Variants in PRKN observed in about 807,000 individuals in gnomAD.
The protein encoded by PRKN is parkin RBR E3 ubiquitin protein ligase.
A neutral mutation model predicts 59.5 loss-of-function variants in PRKN; 56 were observed. The observed-to-expected ratio is 0.94, with a 90% CI of 0.76 to 1.18. The LOEUF (loss-of-function observed/expected upper bound fraction) is 1.18. Ranked by LOEUF, PRKN falls within the 50% of genes most tolerant of loss-of-function variation. The probability of loss-of-function intolerance (pLI) is 0.00; values close to 1 mark genes in which losing one functional copy is unlikely to be tolerated. For synonymous variants in PRKN, 250 were observed against 222.1 expected (o/e 1.13, Z -1.12); for missense variants, 657 against 596.4 (o/e 1.10, Z -1.06).
chr6:161,374,477 G>A (rs1399937232), intron 10 of PRKN, among the ~76,000 whole-genome samples: 1 of 135,520 alleles, frequency 7.4e-6, no homozygotes, highest in Non-Finnish European at 1.6e-5. Flanking sequence ...GTGTGTGATG[G>A]GTGTGTGGTG....
chr6:162,228,964 G>A (rs1397680565), intron 3 of PRKN, among the ~76,000 whole-genome samples: 1 of 152,114 alleles, frequency 6.6e-6, no homozygotes, highest in Non-Finnish European at 1.5e-5. Flanking sequence ...TGGATCTTTT[G>A]TACACCTCTA....
chr6:162,372,193 G>A lies in PRKN; in HGVS notation c.171+71117C>T, dbSNP rs74325540. ...AGAAAACAAGGATTACAGATTCCATGTCGTTTTGCAGCCAGGGAACATCTT... is the reference window on the plus strand; with the variant it reads ...AGAAAACAAGGATTACAGATTCCATATCGTTTTGCAGCCAGGGAACATCTT... On this transcript the variant is annotated intron_variant, in intron 2 of 11. Coordinates refer to ENST00000366898, the MANE Select transcript of PRKN (RefSeq NM_004562.3). 8.2e-3 allele frequency among the ~76,000 whole-genome samples: 1,250 copies of A among 152,318 alleles called. 18 individuals are homozygous for A. The highest frequency in any genetic ancestry group is 0.028 in the African/African-American group (1,170 of 41,574).
chr6:162,594,601 A>G (rs988937946), intron 1 of PRKN, among the ~76,000 whole-genome samples: 3 of 152,200 alleles, frequency 2.0e-5, no homozygotes, highest in Non-Finnish European at 4.4e-5. Context: ...TAACTGAATT[A>G]CATAGGCTAG....
chr6:162,228,547 G>GA (rs1778285897), intron 3 of PRKN, among the ~76,000 whole-genome samples: 1 of 152,102 alleles, frequency 6.6e-6, no homozygotes, highest in Non-Finnish European at 1.5e-5. Context: ...AAATTTAGGG[G>GA]AAAAAGTTCT....
rs373081052 is a variant in PRKN, at chr6:162,287,449, C to T, written c.172-24684G>A. ...TGGGCATGGTGGCACATGCCTGTGG[C>T]CCCAGATACTCAGGAGGCTGAGGTG... On this transcript the variant is annotated intron_variant, in intron 2 of 11. Coordinates refer to ENST00000366898, the MANE Select transcript of PRKN (RefSeq NM_004562.3). Among the ~76,000 whole-genome samples the T allele has an allele frequency of 6.6e-4, 100 of 152,016 alleles. 2 individuals are homozygous for T. The South Asian group carries it at 0.019, about 29-fold the overall frequency.
chr6:161,816,881 G>T (rs60117510), intron 6 of PRKN, among the ~76,000 whole-genome samples: 3 of 152,010 alleles, frequency 2.0e-5, no homozygotes, highest in Non-Finnish European at 4.4e-5. Context: ...AAAGAGAACA[G>T]GGTTCAGTAT....
rs1033961671 is a variant in PRKN at position 161,402,172 on chromosome 6, C to T, written c.1084-15295G>A. ...GCCTGTTGGCCAAAGATAACTCATG[C>T]CTCGGGGGTCGTGAGCAGGAGGTGA... On this transcript the variant is annotated intron_variant, in intron 9 of 11. Coordinates refer to ENST00000366898, the MANE Select transcript of PRKN (RefSeq NM_004562.3). This position sits in a 1 kb window ranked among gnomAD's most constrained non-coding sequence, Gnocchi z 4.5. Among the ~76,000 whole-genome samples the T allele has an allele frequency of 2.0e-5, 3 of 152,202 alleles. No individual in the cohort carries two copies. The highest frequency in any genetic ancestry group is 3.9e-4 in the East Asian group (2 of 5,172).
intron 2 of PRKN, among the ~76,000 whole-genome samples, chr6:162,389,007 G>GAA (rs71278564): frequency 0.29 from 30,313 of 103,800 alleles, 4,520 homozygotes; most frequent in Non-Finnish European, 0.37. Context: ...AGTTCCTCCA[G>GAA]AAAAAAAAAA....
chr6:162,144,180 G>A (rs1237263397), intron 4 of PRKN, among the ~76,000 whole-genome samples: 2 of 152,132 alleles, frequency 1.3e-5, no homozygotes, highest in Non-Finnish European at 2.9e-5. Context: ...ACACTTGGTT[G>A]AGGTTAACAA....
intron 7 of PRKN, among the ~76,000 whole-genome samples, chr6:161,616,597 T>G (rs1255345975): frequency 6.6e-6 from 1 of 152,030 alleles, no homozygotes; most frequent in African/African-American, 2.4e-5. Context: ...GTGTGTGATG[T>G]TCCCCTCCCT....
At position 161,468,227 on chromosome 6, in the gene PRKN, C is replaced by T. The variant is rs1006682512; in HGVS notation, c.1083+80627G>A. On this transcript the variant is annotated intron_variant, in intron 9 of 11. Coordinates refer to ENST00000366898, the MANE Select transcript of PRKN (RefSeq NM_004562.3). This position sits in a 1 kb window ranked among gnomAD's most constrained non-coding sequence, Gnocchi z 5.9. ...ACCTCAGGTGATCCGCCCGCCTCAA[C>T]CTCCCAACGTGCTAGGATTACAGGC... Among the ~76,000 whole-genome samples the T allele has an allele frequency of 6.6e-6, 1 of 152,148 alleles. No homozygotes were observed. The highest frequency in any genetic ancestry group is 2.4e-5 in the African/African-American group (1 of 41,436).
chr6:162,230,978 A>C (rs1449663421), intron 3 of PRKN, among the ~76,000 whole-genome samples: 1 of 152,224 alleles, frequency 6.6e-6, no homozygotes, highest in Non-Finnish European at 1.5e-5. Context: ...ATGTGATGTA[A>C]ATTCATTGGA....
chr6:161,366,600 G>C (rs1785208944), intron 10 of PRKN, among the ~76,000 whole-genome samples: 2 of 152,344 alleles, frequency 1.3e-5, no homozygotes, highest in South Asian at 4.1e-4. Flanking sequence ...CAACTTAGGA[G>C]TGTGTCTGAC....
chr6:161,774,562 C>T (rs913181295), intron 7 of PRKN, among the ~76,000 whole-genome samples: 3 of 152,150 alleles, frequency 2.0e-5, no homozygotes, highest in Admixed American at 6.5e-5. Context: ...GCTCTTCCTC[C>T]GCCAGCTGGC....
chr6:162,725,731 C>T lies in PRKN; in HGVS notation c.7+1931G>A, dbSNP rs915675580. 2.6e-5 allele frequency among the ~76,000 whole-genome samples: 4 copies of T among 150,956 alleles called. No individual in the cohort carries two copies. The South Asian group carries it at 8.4e-4, about 32-fold the overall frequency. On this transcript the variant is annotated intron_variant, in intron 1 of 11. Transcript: ENST00000366898. The stretch of plus-strand genomic sequence containing the variant: ...TGAGCTGTGATGGTGCCACTGCACT[C>T]CGGCCTGGGTGACAGAGACAGAACC...
intron 2 of PRKN, among the ~76,000 whole-genome samples, chr6:162,354,080 G>C (rs1784740597): frequency 6.6e-6 from 1 of 152,060 alleles, no homozygotes; most frequent in African/African-American, 2.4e-5. Flanking sequence ...GGGTGTATTT[G>C]TCTAGAATTT....
chr6:161,853,804 A>G (rs1279198380), intron 6 of PRKN, among the ~76,000 whole-genome samples: 1 of 152,208 alleles, frequency 6.6e-6, no homozygotes, highest in African/African-American at 2.4e-5. Context: ...CCCACAAAAG[A>G]CAGGCTTTTA....
chr6:162,353,099 T>A (rs187572054), intron 2 of PRKN, among the ~76,000 whole-genome samples: 1 of 152,296 alleles, frequency 6.6e-6, no homozygotes, highest in Admixed American at 6.5e-5. Context: ...TTTTAGAAGT[T>A]CTCACTAAGT....
intron 9 of PRKN, among the ~76,000 whole-genome samples, chr6:161,478,580 C>T (rs771811565): frequency 2.0e-5 from 3 of 152,230 alleles, no homozygotes; most frequent in African/African-American, 7.2e-5. Flanking sequence ...TGCAGTGGCT[C>T]ACACCTGTAA....
Sources: allele counts gnomAD v4.1 joint callset (sites outside exome capture counted in the v4.1 genomes callset), GRCh38; gene constraint gnomAD v4.1.1; non-coding constraint Gnocchi (gnomAD v3.1); transcripts MANE v1.5; gene names NCBI Gene and HGNC (gene_info 2026-07-23, HGNC 2026-07-21).